The following GRAMD4 variants were observed in gnomAD, a reference collection of about 807,000 sequenced individuals.
GRAMD4 encodes the protein GRAM domain containing 4.
GRAMD4 carries 25 observed loss-of-function variants against 83.9 expected under a neutral mutation model. The observed-to-expected ratio is 0.30, with a 90% confidence interval of 0.22 to 0.42. The LOEUF is 0.42. GRAMD4 is among the 10% of genes least tolerant of loss of function. The pLI is 1.00. For synonymous variants in GRAMD4, 336 were observed against 320.9 expected (o/e 1.05, Z -0.50); for missense variants, 593 against 788.7 (o/e 0.75, Z 2.97).
chr22:46,576,359 C>G (rs2081042569), upstream of GRAMD4, among the ~76,000 whole-genome samples: 1 of 151,166 alleles, frequency 6.6e-6, no homozygotes, highest in South Asian at 2.1e-4. Flanking sequence ...GTGAGCTAGA[C>G]AGCCTTAAAG....
At chr22:46,661,474 C>A (rs749041475) in intron 5 of GRAMD4, 32 bp downstream of exon 5, 4 of 829,974 alleles carry the variant, frequency 4.8e-6, no homozygotes, top group Non-Finnish European at 7.7e-6. Flanking sequence ...GACAGGCAGG[C>A]GGGCGGGTGG....
At chr22:46,587,830 G>A (rs565496246) in intron 1 of GRAMD4, 5 of 841,602 alleles carry the variant, frequency 5.9e-6, no homozygotes, top group Non-Finnish European at 7.2e-6. Flanking sequence ...ATGTTTGGTG[G>A]AGAGGAAGTG....
Position 46,668,625 on chromosome 22 carries a change from G to A in GRAMD4, c.931-64G>A, listed in dbSNP as rs375599208. On this transcript the variant is annotated intron_variant, in intron 11 of 18. Coordinates refer to ENST00000406902, the MANE Select transcript of GRAMD4 (RefSeq NM_015124.5). ...TGCCCGACCTGGAGGCCCTCCTGGCGTCGCGGTGTGACTGACAGCCCAGGA... is the reference window on the plus strand; with the variant it reads ...TGCCCGACCTGGAGGCCCTCCTGGCATCGCGGTGTGACTGACAGCCCAGGA... The A allele has an allele frequency of 1.1e-4, 166 of 1,477,644 alleles. 1 individual carries two copies. The highest frequency in any genetic ancestry group is 3.4e-4 in the Middle Eastern group (2 of 5,840). 91.5% of individuals were successfully genotyped at this position (1,477,644 alleles called of 1,614,324 possible). A position where few individuals can be genotyped will look rare whatever the true frequency, so the allele number is the denominator to read the frequency against.
intron 1 of GRAMD4, among the ~76,000 whole-genome samples, chr22:46,613,932 G>T (rs1427715190): frequency 6.6e-6 from 1 of 152,232 alleles, no homozygotes; most frequent in Non-Finnish European, 1.5e-5. Context: ...AGGGGAGGCT[G>T]CTGCTGTTCA....
chr22:46,668,142 T>A lies in GRAMD4; in HGVS notation c.905T>A (p.Val302Glu). The part of the protein sequence containing the change: ...DLTVSEKFQL[V>E]LDVAQKAQNL... ...ACTGTGTCTGAGAAGTTCCAGCTGG[T>A]GCTGGACGTCGCCCAGAAAGCCCAG... The change falls in exon 11 of 19, where the codon GTG (valine) becomes GAG (glutamate). Residue 302 changes from valine (V) to glutamate (E), a missense_variant. Coordinates refer to ENST00000406902, the MANE Select transcript of GRAMD4 (RefSeq NM_015124.5). 1 of 1,611,778 alleles carries A rather than the reference T, an allele frequency of 6.2e-7. No homozygotes were observed. The highest frequency in any genetic ancestry group is 8.5e-7 in the Non-Finnish European group (1 of 1,179,132).
intron 1 of GRAMD4, among the ~76,000 whole-genome samples, chr22:46,612,320 T>G (rs915943960): frequency 4.6e-5 from 7 of 152,192 alleles, no homozygotes; most frequent in Non-Finnish European, 1.0e-4. Context: ...GGTACTGTTG[T>G]TATTGTTACT....
At chr22:46,637,248 C>G (rs574362176) in intron 2 of GRAMD4, among the ~76,000 whole-genome samples, 65 of 132,412 alleles carry the variant, frequency 4.9e-4, no homozygotes, top group Middle Eastern at 3.9e-3. Context: ...CGCCACTTAT[C>G]CAGTTCCCTT....
At chr22:46,666,682 A>G (rs1196395865) in intron 9 of GRAMD4, 143 bp from the exon 10 acceptor site, 1 of 694,498 alleles carries the variant, frequency 1.4e-6, no homozygotes, top group Non-Finnish European at 2.6e-6. Context: ...TTCCGGAGGG[A>G]CCTTTTCTCC....
intron 1 of GRAMD4, among the ~76,000 whole-genome samples, chr22:46,580,212 G>A (rs1825347285): frequency 6.6e-6 from 1 of 152,258 alleles, no homozygotes; most frequent in African/African-American, 2.4e-5. Flanking sequence ...AAGGCAGAGG[G>A]TGCTCGCTGG....
chr22:46,626,713 G>T, intron 1 of GRAMD4, 38 bp from the exon 2 acceptor site: 2 of 1,352,486 alleles, frequency 1.5e-6, no homozygotes, highest in East Asian at 2.3e-5. Flanking sequence ...GGGCTTGGAG[G>T]TGGCGAGCGG....
chr22:46,599,290 G>A lies in GRAMD4; in HGVS notation c.-50+22000G>A, dbSNP rs145121950. ...TCGTGATTTTTCAGACGTTGAGCTGGTCGTTTCATAGTTGTGCTTTTAGAT... is the reference window on the plus strand; with the variant it reads ...TCGTGATTTTTCAGACGTTGAGCTGATCGTTTCATAGTTGTGCTTTTAGAT... On this transcript the variant is annotated intron_variant, in intron 1 of 1. Transcript: ENST00000431155. 4.3e-3 allele frequency among the ~76,000 whole-genome samples: 648 copies of A among 152,100 alleles called. 4 individuals carry two copies. Among genetic ancestry groups the A allele is most frequent in the African/African-American group, 0.015 (623 of 41,486 alleles).
chr22:46,661,587 C>T (rs1394194425), intron 5 of GRAMD4, 145 bp downstream of exon 5: 9 of 641,324 alleles, frequency 1.4e-5, no homozygotes, highest in East Asian at 5.5e-5. Flanking sequence ...GTTCTGTGCC[C>T]AGGCACCTGC....
chr22:46,624,158 G>A (rs147231763), intron 1 of GRAMD4, among the ~76,000 whole-genome samples: 81 of 150,996 alleles, frequency 5.4e-4, no homozygotes, highest in African/African-American at 1.8e-3. Flanking sequence ...GTTTTATAGC[G>A]TATTTTGACA....
At chr22:46,647,055 C>T (rs1171869595) in intron 3 of GRAMD4, among the ~76,000 whole-genome samples, 3 of 152,182 alleles carry the variant, frequency 2.0e-5, no homozygotes, top group Non-Finnish European at 4.4e-5. Flanking sequence ...TCCCACAACA[C>T]TTGGGAATTC....
upstream of GRAMD4, among the ~76,000 whole-genome samples, chr22:46,575,781 CGCCACTGG>C (rs2081038473): frequency 6.6e-6 from 1 of 152,232 alleles, no homozygotes; most frequent in Non-Finnish European, 1.5e-5. Context: ...ACAGGACAGA[CGCCACTGG>C]GCAGCCCTTG....
At chr22:46,595,076 A>T (rs574686630) in intron 1 of GRAMD4, among the ~76,000 whole-genome samples, 1 of 152,080 alleles carries the variant, frequency 6.6e-6, no homozygotes, top group Non-Finnish European at 1.5e-5. Context: ...GCAGCAGGAA[A>T]GTTGGGTCCG....
chr22:46,640,410 TTGA>T (rs1249177111), intron 3 of GRAMD4, among the ~76,000 whole-genome samples: 2 of 152,060 alleles, frequency 1.3e-5, no homozygotes, highest in Non-Finnish European at 2.9e-5. Context: ...TGAGACGTTG[TTGA>T]TAACAAAGTT....
intron 4 of GRAMD4, among the ~76,000 whole-genome samples, chr22:46,660,697 C>A (rs1418505004): frequency 6.6e-6 from 1 of 152,230 alleles, no homozygotes; most frequent in East Asian, 1.9e-4. Context: ...TTCCTGCCCG[C>A]TGCTTACCTG....
At chr22:46,630,483 G>A (rs1216826702) in intron 2 of GRAMD4, among the ~76,000 whole-genome samples, 2 of 152,200 alleles carry the variant, frequency 1.3e-5, no homozygotes, top group Non-Finnish European at 2.9e-5. Flanking sequence ...CCTTTTCCAG[G>A]ATCTACCGCA....
Sources: allele counts gnomAD v4.1 joint callset (sites outside exome capture counted in the v4.1 genomes callset), GRCh38; gene constraint gnomAD v4.1.1; transcripts MANE v1.5; gene names NCBI Gene and HGNC (gene_info 2026-07-23, HGNC 2026-07-21).